Variants in PTPRR observed in about 807,000 individuals in gnomAD.
The protein encoded by PTPRR is receptor-type tyrosine-protein phosphatase R.
In PTPRR, 38 loss-of-function variants were observed where a neutral mutation model predicts 77.2. The ratio of observed to expected loss-of-function variants is 0.49; its 90% CI spans 0.38 to 0.65. The LOEUF is 0.65. Ranked by LOEUF, PTPRR falls within the 30% of genes least tolerant of loss-of-function variation. The probability of loss-of-function intolerance (pLI) is 0.00; values close to 1 mark genes in which losing one functional copy is unlikely to be tolerated. For missense variants in PTPRR, 744 were observed against 799.2 expected, an observed-to-expected ratio of 0.93 and a Z score of 0.83; for synonymous variants, 299 against 283.1, an observed-to-expected ratio of 1.06 and a Z score of -0.57.
At chr12:70,906,092 A>G (rs1388358941) in intron 1 of PTPRR, among the ~76,000 whole-genome samples, 1 of 151,996 alleles carries the variant, frequency 6.6e-6, no homozygotes, top group Non-Finnish European at 1.5e-5. Flanking sequence ...TAGTATTGAG[A>G]AAGGAAAGAA....
intron 13 of PTPRR, among the ~76,000 whole-genome samples, chr12:70,654,905 A>G (rs1161248575): frequency 1.3e-5 from 2 of 152,228 alleles, no homozygotes; most frequent in Non-Finnish European, 2.9e-5. Flanking sequence ...TTGGCCTGCC[A>G]AAGTGCTGAG....
intron 2 of PTPRR, among the ~76,000 whole-genome samples, chr12:70,779,222 C>T (rs1261110519): frequency 6.6e-6 from 1 of 151,326 alleles, no homozygotes; most frequent in East Asian, 1.9e-4. Flanking sequence ...TAAAATCCTG[C>T]AACAACTTTC....
At chr12:70,648,403 G>A (rs1343010083) in intron 13 of PTPRR, among the ~76,000 whole-genome samples, 1 of 152,168 alleles carries the variant, frequency 6.6e-6, no homozygotes, top group Non-Finnish European at 1.5e-5. Flanking sequence ...CTGAATTCCA[G>A]CATGGAAAAG....
intron 2 of PTPRR, among the ~76,000 whole-genome samples, chr12:70,882,697 T>A (rs536152678): frequency 2.6e-5 from 4 of 152,278 alleles, no homozygotes; most frequent in Non-Finnish European, 5.9e-5. Flanking sequence ...TGTTTAGGCT[T>A]ATATTACTTG....
At chr12:70,649,802 T>C (rs1886329522) in intron 13 of PTPRR, among the ~76,000 whole-genome samples, 1 of 152,124 alleles carries the variant, frequency 6.6e-6, no homozygotes, top group South Asian at 2.1e-4. Flanking sequence ...TTTGAACTCC[T>C]GACCTCAAGT....
intron 7 of PTPRR, among the ~76,000 whole-genome samples, chr12:70,699,689 T>C (rs889490147): frequency 1.5e-4 from 23 of 152,358 alleles, no homozygotes; most frequent in Admixed American, 1.3e-3. Flanking sequence ...CCCTATTCTC[T>C]GCTCCAACTA....
chr12:70,772,643 T>A (rs1891004087), intron 2 of PTPRR, among the ~76,000 whole-genome samples: 1 of 152,106 alleles, frequency 6.6e-6, no homozygotes, highest in African/African-American at 2.4e-5. Flanking sequence ...AATGCTTGCA[T>A]GGAGGTAGGG....
chr12:70,673,032 A>AAC, intron 10 of PTPRR: 1 of 248,022 alleles, frequency 4.0e-6, no homozygotes, highest in Non-Finnish European at 6.4e-6. Context: ...GGGCCAAAGC[A>AAC]AAAAAAAAAA....
intron 1 of PTPRR, among the ~76,000 whole-genome samples, chr12:70,911,882 C>A (rs1893706127): frequency 6.6e-6 from 1 of 152,020 alleles, no homozygotes; most frequent in African/African-American, 2.4e-5. Flanking sequence ...TCTCCTTAGT[C>A]TAATCACGTA....
intron 6 of PTPRR, among the ~76,000 whole-genome samples, chr12:70,742,755 G>A (rs1890090610): frequency 1.3e-5 from 2 of 152,172 alleles, no homozygotes; most frequent in Non-Finnish European, 2.9e-5. Flanking sequence ...GAGATCCTGA[G>A]TTCTCAGTGG....
chr12:70,640,571 C>G (rs2136634733), intron 13 of PTPRR, among the ~76,000 whole-genome samples: 1 of 152,292 alleles, frequency 6.6e-6, no homozygotes, highest in East Asian at 1.9e-4. Flanking sequence ...TATTTAAAGT[C>G]TTGTAAATTC....
chr12:70,707,441 G>A (rs75981494), intron 6 of PTPRR, among the ~76,000 whole-genome samples: 6,338 of 150,234 alleles, frequency 0.042, 483 homozygotes, highest in African/African-American at 0.14. Context: ...TATCATGAAT[G>A]TCTTTTCATG....
intron 2 of PTPRR, among the ~76,000 whole-genome samples, chr12:70,807,448 G>A (rs553435906): frequency 2.6e-5 from 4 of 152,124 alleles, no homozygotes; most frequent in South Asian, 2.1e-4. Flanking sequence ...TCCTCTTCAC[G>A]AAATTTTGTA....
intron 6 of PTPRR, among the ~76,000 whole-genome samples, chr12:70,709,728 C>T (rs543850579): frequency 3.3e-5 from 5 of 152,216 alleles, no homozygotes; most frequent in African/African-American, 7.2e-5. Context: ...CAGGAATGAA[C>T]TCCCATTCAC....
intron 10 of PTPRR, among the ~76,000 whole-genome samples, chr12:70,680,770 A>G (rs775592215): frequency 9.9e-5 from 15 of 152,162 alleles, no homozygotes; most frequent in South Asian, 2.1e-4. Flanking sequence ...TGAAAATGAC[A>G]TGCCCAGCTG....
chr12:70,792,325 A>G (rs1338268866), intron 2 of PTPRR, among the ~76,000 whole-genome samples: 1 of 152,190 alleles, frequency 6.6e-6, no homozygotes, highest in East Asian at 1.9e-4. Flanking sequence ...AAATGGTTAA[A>G]TGACAACTAA....
At chr12:70,888,541 T>C (rs970542964) in intron 2 of PTPRR, among the ~76,000 whole-genome samples, 2 of 152,214 alleles carry the variant, frequency 1.3e-5, no homozygotes, top group African/African-American at 4.8e-5. Context: ...ATGCATCCCA[T>C]CTAGGAACTT....
intron 2 of PTPRR, among the ~76,000 whole-genome samples, chr12:70,833,733 G>A (rs1157449869): frequency 6.6e-6 from 1 of 152,160 alleles, no homozygotes; most frequent in Non-Finnish European, 1.5e-5. Flanking sequence ...CACCTTGTAT[G>A]TGGCAACCTG....
At chr12:70,889,376 T>G (rs1027180112) in intron 2 of PTPRR, among the ~76,000 whole-genome samples, 22 of 151,256 alleles carry the variant, frequency 1.5e-4, no homozygotes, top group African/African-American at 5.3e-4. Flanking sequence ...TCACTTTACT[T>G]ATAAGATGAA....
Sources: allele counts gnomAD v4.1 joint callset (sites outside exome capture counted in the v4.1 genomes callset), GRCh38; gene constraint gnomAD v4.1.1; transcripts MANE v1.5; gene names NCBI Gene and HGNC (gene_info 2026-07-23, HGNC 2026-07-21).